PTPRD: variants seen among roughly 807,000 people sequenced by gnomAD.
The protein encoded by PTPRD is protein tyrosine phosphatase receptor type D, also known as receptor-type tyrosine-protein phosphatase delta.
PTPRD carries 34 observed loss-of-function variants against 214.5 expected under a neutral mutation model. The observed-to-expected ratio is 0.16, with a 90% CI of 0.12 to 0.21. The LOEUF is 0.21. Among genes scored for constraint, PTPRD ranks in the 10% least tolerant of loss-of-function variants. The probability of loss-of-function intolerance (pLI) is 1.00; values close to 1 mark genes in which losing one functional copy is unlikely to be tolerated. For synonymous variants in PTPRD, 1,128 were observed against 845.7 expected (o/e 1.33, Z -5.79); for missense variants, 2,545 against 2,398.7 (o/e 1.06, Z -1.27).
intron 14 of PTPRD, among the ~76,000 whole-genome samples, chr9:8,563,754 C>G (rs1477119569): frequency 6.6e-6 from 1 of 152,068 alleles, no homozygotes; most frequent in Non-Finnish European, 1.5e-5. Flanking sequence ...CTCCACCCTC[C>G]AGGTTCAAGT....
intron 9 of PTPRD, among the ~76,000 whole-genome samples, chr9:9,360,899 G>A (rs1358014005): frequency 6.6e-6 from 1 of 150,946 alleles, no homozygotes; most frequent in Admixed American, 6.6e-5. Flanking sequence ...ATAGCTTAAG[G>A]CAAAGCACTG....
intron 3 of PTPRD, among the ~76,000 whole-genome samples, chr9:10,069,110 A>T (rs2154177559): frequency 6.6e-6 from 1 of 152,096 alleles, no homozygotes; most frequent in Admixed American, 6.6e-5. Context: ...GTTTCTTCAC[A>T]AAATGGCTTT....
intron 9 of PTPRD, among the ~76,000 whole-genome samples, chr9:9,343,302 C>A (rs1051726417): frequency 3.9e-5 from 6 of 152,206 alleles, no homozygotes; most frequent in Non-Finnish European, 1.5e-5. Context: ...TGAAGAATCC[C>A]AACTGTCTTC....
At chr9:9,043,623 G>A (rs1420288764) in intron 10 of PTPRD, among the ~76,000 whole-genome samples, 1 of 152,084 alleles carries the variant, frequency 6.6e-6, no homozygotes, top group Non-Finnish European at 1.5e-5. Flanking sequence ...GAAAAACTAG[G>A]CTGGGCACAG....
At chr9:8,431,838 C>T (rs1003469885) in intron 35 of PTPRD, among the ~76,000 whole-genome samples, 1 of 152,152 alleles carries the variant, frequency 6.6e-6, no homozygotes, top group Admixed American at 6.5e-5. Flanking sequence ...TGATGCTGGC[C>T]TCATAAAATG....
intron 12 of PTPRD, among the ~76,000 whole-genome samples, chr9:8,694,180 T>C (rs1187693472): frequency 6.6e-6 from 1 of 152,192 alleles, no homozygotes; most frequent in Non-Finnish European, 1.5e-5. Flanking sequence ...AATAAATTTT[T>C]AAATCTGAAT....
intron 6 of PTPRD, among the ~76,000 whole-genome samples, chr9:9,763,463 T>A (rs2890887): frequency 0.12 from 18,124 of 151,566 alleles, 1,778 homozygotes; most frequent in African/African-American, 0.27. Flanking sequence ...TTAAGAACAG[T>A]CTTCTTTAAA....
intron 37 of PTPRD, among the ~76,000 whole-genome samples, chr9:8,385,114 T>G (rs1388071565): frequency 6.6e-6 from 1 of 152,228 alleles, no homozygotes; most frequent in African/African-American, 2.4e-5. Flanking sequence ...CAGATGCTAG[T>G]GAAACTTCTA....
Position 9,313,007 on chromosome 9 carries a change from T to C in PTPRD, c.-203+84442A>G, listed in dbSNP as rs182855690. On this transcript the variant is annotated intron_variant, in intron 9 of 45. Coordinates refer to ENST00000381196, the MANE Select transcript of PTPRD (RefSeq NM_002839.4). ...CAAAATTAGGTAAATAATTATCTCA[T>C]TTTTATTAATCTTTCTTAAGTGTAT... Among the ~76,000 whole-genome samples, 713 of 152,334 alleles carry C rather than the reference T, an allele frequency of 4.7e-3. 4 individuals are homozygous for C. Among genetic ancestry groups the C allele is most frequent in the Non-Finnish European group, 8.5e-3 (581 of 68,036 alleles).
At chr9:8,928,475 CT>C (rs1055343232) in intron 11 of PTPRD, among the ~76,000 whole-genome samples, 65 of 152,128 alleles carry the variant, frequency 4.3e-4, no homozygotes, top group African/African-American at 1.4e-3. Flanking sequence ...TTCCCCATTG[CT>C]TTTTTTGGTC....
intron 43 of PTPRD, among the ~76,000 whole-genome samples, chr9:8,335,427 T>C (rs998652623): frequency 6.6e-6 from 1 of 152,172 alleles, no homozygotes; most frequent in Non-Finnish European, 1.5e-5. Flanking sequence ...AAAAGGCCTT[T>C]GGCAAAATTC....
chr9:9,469,781 T>C (rs575785834), intron 8 of PTPRD, among the ~76,000 whole-genome samples: 2 of 152,314 alleles, frequency 1.3e-5, no homozygotes, highest in African/African-American at 2.4e-5. Context: ...GTTCTTATTA[T>C]GCTTATATAT....
intron 3 of PTPRD, among the ~76,000 whole-genome samples, chr9:10,161,243 C>A: frequency 6.6e-6 from 1 of 151,758 alleles, no homozygotes; most frequent in African/African-American, 2.4e-5. Context: ...CAAAAAGATC[C>A]TGAATAGCCA....
intron 2 of PTPRD, among the ~76,000 whole-genome samples, chr9:10,563,115 T>A (rs1489882993): frequency 6.6e-6 from 1 of 152,146 alleles, no homozygotes; most frequent in African/African-American, 2.4e-5. Flanking sequence ...CCACTTGTCA[T>A]GGAAAATTGC....
At chr9:8,993,927 T>C (rs1006221379) in intron 11 of PTPRD, among the ~76,000 whole-genome samples, 2 of 152,130 alleles carry the variant, frequency 1.3e-5, no homozygotes, top group African/African-American at 2.4e-5. Flanking sequence ...GAAATAAATG[T>C]AATATTTGAT....
intron 33 of PTPRD, among the ~76,000 whole-genome samples, chr9:8,451,637 C>T (rs991888587): frequency 2.6e-5 from 4 of 152,158 alleles, no homozygotes; most frequent in African/African-American, 7.2e-5. Flanking sequence ...GTTAATGAAA[C>T]GTCACTGGGT....
At chr9:9,864,981 TTAAA>T (rs2063621280) in intron 5 of PTPRD, among the ~76,000 whole-genome samples, 3 of 152,296 alleles carry the variant, frequency 2.0e-5, no homozygotes, top group South Asian at 4.1e-4. Context: ...ATAGATTCTA[TTAAA>T]TAGATTATCT....
At chr9:8,921,102 C>T (rs2098824591) in intron 11 of PTPRD, among the ~76,000 whole-genome samples, 1 of 152,166 alleles carries the variant, frequency 6.6e-6, no homozygotes, top group Non-Finnish European at 1.5e-5. Context: ...GCGTGAACCA[C>T]CGCGTCTGGC....
At chr9:9,261,686 G>C (rs896992517) in intron 9 of PTPRD, among the ~76,000 whole-genome samples, 11 of 151,350 alleles carry the variant, frequency 7.3e-5, no homozygotes, top group Non-Finnish European at 8.9e-5. Context: ...TCAGGAGGGA[G>C]AGGGGTTGTG....
Sources: allele counts gnomAD v4.1 joint callset (sites outside exome capture counted in the v4.1 genomes callset), GRCh38; gene constraint gnomAD v4.1.1; transcripts MANE v1.5; gene names NCBI Gene and HGNC (gene_info 2026-07-23, HGNC 2026-07-21).